MACROD2: variants seen among roughly 807,000 people sequenced by gnomAD.
The protein encoded by MACROD2 is ADP-ribose glycohydrolase MACROD2.
MACROD2 carries 36 observed loss-of-function variants against 70.4 expected under a neutral mutation model. That is an observed-to-expected ratio of 0.51 (90% CI 0.39 to 0.68). MACROD2 has a LOEUF of 0.68. Ranked by LOEUF, MACROD2 falls within the 30% of genes least tolerant of loss-of-function variation. MACROD2 has a pLI of 0.00. For synonymous variants in MACROD2, 172 were observed against 178.8 expected (o/e 0.96, Z 0.30); for missense variants, 496 against 538.4 (o/e 0.92, Z 0.78).
At chr20:15,170,289 C>T (rs2076414127) in intron 5 of MACROD2, among the ~76,000 whole-genome samples, 2 of 152,130 alleles carry the variant, frequency 1.3e-5, no homozygotes, top group Non-Finnish European at 2.9e-5. Flanking sequence ...AAGGGACTTA[C>T]TAGTGACCTA....
intron 6 of MACROD2, among the ~76,000 whole-genome samples, chr20:15,288,737 G>A (rs1490266605): frequency 6.6e-6 from 1 of 152,132 alleles, no homozygotes; most frequent in African/African-American, 2.4e-5. Flanking sequence ...TTTGTACTGA[G>A]TCATGCTACT....
At chr20:14,274,725 C>A (rs1355859892) in intron 3 of MACROD2, among the ~76,000 whole-genome samples, 1 of 152,130 alleles carries the variant, frequency 6.6e-6, no homozygotes, top group Non-Finnish European at 1.5e-5. Flanking sequence ...TTGCAGATGA[C>A]ATGATTGTAT....
chr20:15,165,584 A>G (rs1020689204), intron 5 of MACROD2, among the ~76,000 whole-genome samples: 2 of 152,236 alleles, frequency 1.3e-5, no homozygotes, highest in African/African-American at 4.8e-5. Context: ...TAACCATAAA[A>G]CAAATTAATT....
chr20:14,039,379 C>T (rs2053357865), intron 2 of MACROD2, among the ~76,000 whole-genome samples: 1 of 152,026 alleles, frequency 6.6e-6, no homozygotes, highest in African/African-American at 2.4e-5. Flanking sequence ...CAAAACTTTC[C>T]TGGGGTACTG....
chr20:14,509,029 A>T (rs2085000288), intron 4 of MACROD2, among the ~76,000 whole-genome samples: 1 of 152,156 alleles, frequency 6.6e-6, no homozygotes, highest in African/African-American at 2.4e-5. Context: ...AAAACTTATA[A>T]TTTTCAGACT....
intron 6 of MACROD2, among the ~76,000 whole-genome samples, chr20:15,242,147 A>G (rs1019773350): frequency 1.6e-4 from 25 of 152,206 alleles, no homozygotes; most frequent in African/African-American, 6.0e-4. Flanking sequence ...CATCACTGCT[A>G]TGGTATTCTT....
intron 3 of MACROD2, among the ~76,000 whole-genome samples, chr20:14,130,571 A>G (rs1275483445): frequency 1.3e-5 from 2 of 152,016 alleles, no homozygotes; most frequent in Non-Finnish European, 2.9e-5. Context: ...GAAAAAGAAA[A>G]TATCTACCGT....
chr20:14,591,162 A>T (rs1981745110), intron 4 of MACROD2, among the ~76,000 whole-genome samples: 1 of 152,224 alleles, frequency 6.6e-6, no homozygotes, highest in East Asian at 1.9e-4. Context: ...TTCTTATTTG[A>T]TTAGAGGAAA....
Position 15,252,117 on chromosome 20 carries a change from T to C in MACROD2, c.540+22056T>C, listed in dbSNP as rs370693035. Among the ~76,000 whole-genome samples the C allele has an allele frequency of 2.3e-4, 35 of 152,328 alleles. No homozygotes were observed. The East Asian group carries it at 4.8e-3, about 21-fold the overall frequency. On this transcript the variant is annotated intron_variant, in intron 6 of 17. Transcript: ENST00000684519. ...AACAAAGGGCTAAGGTAAGGATTAT[T>C]GTATTGCATGTATTTCTGTGAACTA...
intron 8 of MACROD2, among the ~76,000 whole-genome samples, chr20:15,684,931 C>T (rs1291189701): frequency 6.6e-6 from 1 of 152,122 alleles, no homozygotes; most frequent in East Asian, 1.9e-4. Context: ...GGAAATCACT[C>T]AAATCCTTTG....
chr20:14,258,969 G>A (rs1396612948), intron 3 of MACROD2, among the ~76,000 whole-genome samples: 2 of 152,084 alleles, frequency 1.3e-5, no homozygotes, highest in African/African-American at 4.8e-5. Context: ...CCCAGACAGA[G>A]TCTTGCTCTG....
intron 3 of MACROD2, among the ~76,000 whole-genome samples, chr20:14,387,294 C>T (rs978819804): frequency 6.6e-6 from 1 of 152,056 alleles, no homozygotes; most frequent in Admixed American, 6.6e-5. Flanking sequence ...GAAATTCTTC[C>T]CCCTCTCCAA....
chr20:14,568,851 T>G (rs930061623), intron 4 of MACROD2, among the ~76,000 whole-genome samples: 1 of 151,994 alleles, frequency 6.6e-6, no homozygotes, highest in Non-Finnish European at 1.5e-5. Flanking sequence ...TTTCAACTTC[T>G]GCCTGAGGGA....
rs150732126 is a variant in MACROD2, at chr20:14,033,019, A to T, written c.163+30615A>T. The stretch of plus-strand genomic sequence containing the variant: ...AAAACTGTCTTTTTACTAAATTAAG[A>T]CTCTCTTCATTCTAATATTTATAAG... On this transcript the variant is annotated intron_variant, in intron 2 of 17. Coordinates refer to ENST00000684519, the MANE Select transcript of MACROD2 (RefSeq NM_001351661.2). Among the ~76,000 whole-genome samples the T allele has an allele frequency of 2.0e-3, 294 of 149,466 alleles. 3 individuals are homozygous for T. Among genetic ancestry groups the T allele is most frequent in the African/African-American group, 7.0e-3 (287 of 40,714 alleles).
chr20:14,378,714 G>A (rs1833010565), intron 3 of MACROD2, among the ~76,000 whole-genome samples: 1 of 151,032 alleles, frequency 6.6e-6, no homozygotes, highest in Admixed American at 6.6e-5. Context: ...GTTTGTGGTG[G>A]TTTATTTGGT....
chr20:14,611,985 T>G (rs1366741131), intron 4 of MACROD2, among the ~76,000 whole-genome samples: 1 of 152,158 alleles, frequency 6.6e-6, no homozygotes, highest in Non-Finnish European at 1.5e-5. Flanking sequence ...AAGCAGGGGA[T>G]TATCATATGT....
At chr20:15,354,229 T>C (rs1037224173) in intron 6 of MACROD2, among the ~76,000 whole-genome samples, 3 of 151,954 alleles carry the variant, frequency 2.0e-5, no homozygotes, top group Non-Finnish European at 4.4e-5. Flanking sequence ...AAACCATCAT[T>C]CTCAGCAAAC....
At chr20:14,397,294 A>G (rs1452814739) in intron 3 of MACROD2, among the ~76,000 whole-genome samples, 4 of 152,122 alleles carry the variant, frequency 2.6e-5, no homozygotes, top group Non-Finnish European at 5.9e-5. Context: ...TGCCTGGCTG[A>G]CCATTTACAT....
intron 3 of MACROD2, among the ~76,000 whole-genome samples, chr20:14,139,451 C>T (rs1212330896): frequency 6.6e-6 from 1 of 152,150 alleles, no homozygotes; most frequent in African/African-American, 2.4e-5. Flanking sequence ...CTGTACTGCA[C>T]CATAGAGAAA....
Sources: gnomAD v4.1 joint callset for allele counts (sites outside exome capture counted in the v4.1 genomes callset) on GRCh38, gnomAD v4.1.1 for gene constraint, MANE v1.5 for transcripts, NCBI Gene and HGNC (gene_info 2026-07-23, HGNC 2026-07-21) for gene names.